The following ERBB4 variants were observed in gnomAD, a reference collection of about 807,000 sequenced individuals.
ERBB4 encodes erb-b2 receptor tyrosine kinase 4, also known as receptor tyrosine-protein kinase erbB-4.
ERBB4 carries 42 observed loss-of-function variants against 158.0 expected under a neutral mutation model. The ratio of observed to expected loss-of-function variants is 0.27; its 90% CI spans 0.21 to 0.34. The LOEUF (loss-of-function observed/expected upper bound fraction) is 0.34. Among genes scored for constraint, ERBB4 ranks in the 10% least tolerant of loss-of-function variants. The pLI, the probability that ERBB4 is intolerant of heterozygous loss-of-function variation, is 1.00. For synonymous variants in ERBB4, 583 were observed against 558.7 expected, an observed-to-expected ratio of 1.04 and a Z score of -0.61; for missense variants, 1,333 against 1,624.1, an observed-to-expected ratio of 0.82 and a Z score of 3.08.
chr2:211,417,644 T>C (rs749317913), intron 25 of ERBB4, among the ~76,000 whole-genome samples: 11 of 152,284 alleles, frequency 7.2e-5, no homozygotes, highest in Non-Finnish European at 1.2e-4. Context: ...TTGTAATTTA[T>C]CAAAATATTT....
chr2:211,622,993 ATATATATAT>A (rs2069680405), intron 18 of ERBB4, among the ~76,000 whole-genome samples: 9 of 7,422 alleles, frequency 1.2e-3, no homozygotes, highest in Non-Finnish European at 1.6e-3. Flanking sequence ...AAAAAAAAAT[ATATATATAT>A]ATATATATAT....
At position 211,381,413 on chromosome 2, in the gene ERBB4, C is replaced by T. The variant is rs2062571724; in HGVS notation, c.*2202G>A. The T allele has an allele frequency of 8.6e-6, 2 of 231,938 alleles. No homozygotes were observed. Among genetic ancestry groups the T allele is most frequent in the African/African-American group, 4.4e-5 (2 of 45,254 alleles). 14.4% of individuals were successfully genotyped at this position (231,938 alleles called of 1,614,324 possible). A position where few individuals can be genotyped will look rare whatever the true frequency, so the allele number is the denominator to read the frequency against. ...AAATTATCCTGTTTGTCAACATCAA[C>T]AATTTGAAGGATGTTTAACTTATAT... On this transcript the variant is annotated 3_prime_UTR_variant, in exon 28 of 28. Coordinates refer to ENST00000342788, the MANE Select transcript of ERBB4 (RefSeq NM_005235.3).
intron 1 of ERBB4, among the ~76,000 whole-genome samples, chr2:212,275,022 G>C (rs2085476636): frequency 6.6e-6 from 1 of 151,900 alleles, no homozygotes; most frequent in Non-Finnish European, 1.5e-5. Context: ...AACATGCAGT[G>C]TTTGGTTTTC....
chr2:212,085,295 A>C (rs1407527463), intron 2 of ERBB4, among the ~76,000 whole-genome samples: 1 of 151,988 alleles, frequency 6.6e-6, no homozygotes, highest in Non-Finnish European at 1.5e-5. Flanking sequence ...GTGTAACATT[A>C]ATGAAAATTT....
chr2:211,400,449 T>A (rs974411819), intron 25 of ERBB4, among the ~76,000 whole-genome samples: 14 of 152,138 alleles, frequency 9.2e-5, no homozygotes, highest in Non-Finnish European at 1.5e-4. Context: ...AGTGACATGA[T>A]TATCTGTGTG....
At position 212,083,806 on chromosome 2, in the gene ERBB4, T is replaced by C. The variant is rs528129341; in HGVS notation, c.234+40946A>G. The stretch of plus-strand genomic sequence containing the variant: ...CTATAAACAGAAGGGAGTTTAGAAA[T>C]GACAGTTTAAACCAAATTCTGATTT... On this transcript the variant is annotated intron_variant, in intron 2 of 27. Transcript: ENST00000342788. 3.3e-5 allele frequency among the ~76,000 whole-genome samples: 5 copies of C among 151,924 alleles called. No individual in the cohort carries two copies. The East Asian group carries it at 9.7e-4, about 29-fold the overall frequency.
intron 2 of ERBB4, among the ~76,000 whole-genome samples, chr2:211,954,812 A>G (rs2080983717): frequency 6.6e-6 from 1 of 152,098 alleles, no homozygotes; most frequent in Non-Finnish European, 1.5e-5. Context: ...TGCCCTTCAC[A>G]GCATGTCTGA....
chr2:212,222,139 T>C (rs1286537562), intron 1 of ERBB4, among the ~76,000 whole-genome samples: 1 of 151,616 alleles, frequency 6.6e-6, no homozygotes, highest in African/African-American at 2.4e-5. Context: ...TTATCATATG[T>C]GTCATGTTTT....
At chr2:211,716,243 TC>T (rs1375288903) in intron 7 of ERBB4, among the ~76,000 whole-genome samples, 6 of 151,480 alleles carry the variant, frequency 4.0e-5, no homozygotes, top group African/African-American at 7.3e-5. Flanking sequence ...ATGCCTGTAA[TC>T]CCAGCTACTA....
At chr2:211,508,069 C>T (rs916679472) in intron 20 of ERBB4, among the ~76,000 whole-genome samples, 1 of 152,076 alleles carries the variant, frequency 6.6e-6, no homozygotes, top group African/African-American at 2.4e-5. Context: ...AGGACATAGG[C>T]ATGGGCAAAG....
chr2:211,940,370 G>A (rs959430637), intron 3 of ERBB4, among the ~76,000 whole-genome samples: 2 of 152,100 alleles, frequency 1.3e-5, no homozygotes, highest in Non-Finnish European at 2.9e-5. Context: ...AAACAAGCAT[G>A]CTTCCTCAAT....
chr2:212,073,778 A>T (rs1446645190), intron 2 of ERBB4, among the ~76,000 whole-genome samples: 2 of 151,892 alleles, frequency 1.3e-5, no homozygotes, highest in Non-Finnish European at 2.9e-5. Context: ...ATCAGAAAAG[A>T]TGGAGGCTAT....
intron 4 of ERBB4, among the ~76,000 whole-genome samples, chr2:211,783,774 A>G (rs2076090938): frequency 6.6e-6 from 1 of 152,146 alleles, no homozygotes; most frequent in South Asian, 2.1e-4. Context: ...GTTTGCCAGT[A>G]TTTTATTGAG....
At chr2:212,022,584 C>T (rs2125330696) in intron 2 of ERBB4, among the ~76,000 whole-genome samples, 1 of 152,076 alleles carries the variant, frequency 6.6e-6, no homozygotes, top group Non-Finnish European at 1.5e-5. Flanking sequence ...GTATGCTGGG[C>T]TTCATACCTA....
At chr2:212,073,870 T>G (rs2078199378) in intron 2 of ERBB4, among the ~76,000 whole-genome samples, 1 of 152,040 alleles carries the variant, frequency 6.6e-6, no homozygotes, top group Admixed American at 6.6e-5. Context: ...GCCAGTTATG[T>G]GAAAATATGT....
At chr2:212,436,715 A>G (rs1442122978) in intron 1 of ERBB4, among the ~76,000 whole-genome samples, 4 of 152,128 alleles carry the variant, frequency 2.6e-5, no homozygotes, top group Admixed American at 2.6e-4. Context: ...TTGACAAAAT[A>G]AAACTCAAAC....
chr2:211,985,735 AC>A (rs1230027289), intron 2 of ERBB4, among the ~76,000 whole-genome samples: 8 of 152,024 alleles, frequency 5.3e-5, no homozygotes, highest in Non-Finnish European at 4.4e-5. Flanking sequence ...CCAAATGTAA[AC>A]AAAAATTTAT....
intron 3 of ERBB4, among the ~76,000 whole-genome samples, chr2:211,896,071 A>C (rs2079089988): frequency 6.6e-6 from 1 of 151,904 alleles, no homozygotes; most frequent in Non-Finnish European, 1.5e-5. Context: ...CTCTACCTAT[A>C]CTTCCTACCC....
At chr2:211,545,574 C>T (rs762200814) in intron 20 of ERBB4, among the ~76,000 whole-genome samples, 1 of 151,930 alleles carries the variant, frequency 6.6e-6, no homozygotes, top group Non-Finnish European at 1.5e-5. Flanking sequence ...GATTTTAGGG[C>T]TCAACTCAGT....
Sources: gnomAD v4.1 joint callset for allele counts (sites outside exome capture counted in the v4.1 genomes callset) on GRCh38, gnomAD v4.1.1 for gene constraint, MANE v1.5 for transcripts, NCBI Gene and HGNC (gene_info 2026-07-23, HGNC 2026-07-21) for gene names.